The following BCAS3 variants were observed in gnomAD, a reference collection of about 807,000 sequenced individuals.
BCAS3 encodes BCAS4/BCAS3 fusion.
Under a neutral mutation model 116.1 loss-of-function variants are expected in BCAS3, and 53 were observed. The observed-to-expected ratio is 0.46, with a 90% CI of 0.37 to 0.57. The LOEUF is 0.57. Ranked by LOEUF, BCAS3 falls within the 20% of genes least tolerant of loss-of-function variation. The probability of loss-of-function intolerance (pLI) is 0.00; values close to 1 mark genes in which losing one functional copy is unlikely to be tolerated. For missense variants in BCAS3, 917 were observed against 1,165.4 expected (o/e 0.79, Z 3.10); for synonymous variants, 391 against 408.2 (o/e 0.96, Z 0.51).
At chr17:60,679,715 C>T (rs981065014) in intron 2 of BCAS3, among the ~76,000 whole-genome samples, 175 bp downstream of exon 2, 2 of 152,162 alleles carry the variant, frequency 1.3e-5, no homozygotes, top group African/African-American at 4.8e-5. Flanking sequence ...GTTAAGTTGA[C>T]GTATTCAGCA....
intron 23 of BCAS3, among the ~76,000 whole-genome samples, chr17:61,386,547 C>T (rs896135571): frequency 3.9e-5 from 6 of 152,208 alleles, no homozygotes; most frequent in Admixed American, 6.5e-5. Flanking sequence ...TTTGTGGTGA[C>T]GGAAGTGCCA....
intron 22 of BCAS3, among the ~76,000 whole-genome samples, chr17:61,110,622 C>T (rs2075008810): frequency 6.6e-6 from 1 of 152,202 alleles, no homozygotes; most frequent in South Asian, 2.1e-4. Context: ...ATTGCTAGCA[C>T]AGCAGTCTGA....
At position 61,095,901 on chromosome 17, in the gene BCAS3, C is replaced by G. The variant is rs563767704; in HGVS notation, c.2425+11337C>G. Among the ~76,000 whole-genome samples, 1 of 151,946 alleles carries G rather than the reference C, an allele frequency of 6.6e-6. No homozygotes were observed. The highest frequency in any genetic ancestry group is 2.1e-4 in the South Asian group (1 of 4,828). Reference sequence around the variant, plus strand: ...AAATTACTAGTTTGTTTGTTTATTTCTACAGAAATTCAGATGAGATTGGAT... The same window carrying G: ...AAATTACTAGTTTGTTTGTTTATTTGTACAGAAATTCAGATGAGATTGGAT... On this transcript the variant is annotated intron_variant, in intron 22 of 23. Transcript: ENST00000407086. This position sits in a 1 kb window ranked among gnomAD's most constrained non-coding sequence, Gnocchi z 4.7.
In BCAS3 at chr17:61,258,845, G is replaced by A. The variant is rs1322267119; in HGVS notation, c.2426-109482G>A. On this transcript the variant is annotated intron_variant, in intron 22 of 23. Coordinates refer to ENST00000407086, the MANE Select transcript of BCAS3 (RefSeq NM_017679.5). The surrounding 1 kb of genome is among the most constrained non-coding windows in gnomAD (Gnocchi z 4.7). ...ACTATGCCGTCTTATTCCAGCATAT[G>A]GATTTGTATTCGTAATTCCCCAAGA... Among the ~76,000 whole-genome samples, 1 of 152,180 alleles carries A rather than the reference G, an allele frequency of 6.6e-6. No homozygotes were observed. Among genetic ancestry groups the A allele is most frequent in the Non-Finnish European group, 1.5e-5 (1 of 68,026 alleles).
chr17:60,764,955 C>CTTCT (rs201783202), intron 6 of BCAS3, among the ~76,000 whole-genome samples: 41,410 of 151,184 alleles, frequency 0.27, 11,285 homozygotes, highest in African/African-American at 0.71. Context: ...AAGTAATGGC[C>CTTCT]TTGTCTCTTT....
intron 22 of BCAS3, among the ~76,000 whole-genome samples, chr17:61,177,687 A>G (rs1214993966): frequency 6.6e-6 from 1 of 152,224 alleles, no homozygotes; most frequent in Non-Finnish European, 1.5e-5. Flanking sequence ...TGCACTTTAG[A>G]TATGTCTAAC....
chr17:60,815,158 G>C (rs927068663), intron 7 of BCAS3, among the ~76,000 whole-genome samples: 2 of 152,112 alleles, frequency 1.3e-5, no homozygotes, highest in Non-Finnish European at 2.9e-5. Context: ...CATGGATGAA[G>C]CTGGAAACCA....
intron 22 of BCAS3, among the ~76,000 whole-genome samples, chr17:61,202,317 C>T (rs974972235): frequency 4.0e-5 from 6 of 151,228 alleles, no homozygotes; most frequent in African/African-American, 9.7e-5. Flanking sequence ...CCCCATTTTG[C>T]GGATGAGGAA....
chr17:61,346,017 T>C lies in BCAS3; in HGVS notation c.2426-22310T>C, dbSNP rs1387147521. Among the ~76,000 whole-genome samples the C allele has an allele frequency of 6.6e-6, 1 of 152,048 alleles. No homozygotes were observed. The highest frequency in any genetic ancestry group is 2.4e-5 in the African/African-American group (1 of 41,378). On this transcript the variant is annotated intron_variant, in intron 22 of 23. Coordinates refer to ENST00000407086, the MANE Select transcript of BCAS3 (RefSeq NM_017679.5). The surrounding 1 kb of genome is among the most constrained non-coding windows in gnomAD (Gnocchi z 5.4). ...CGTTGGTGTGCGGACTGGAGGTCAG[T>C]GAATTTAAGGCCAAAGGTGTTGGCT...
At chr17:60,965,286 A>G (rs1600063638) in intron 14 of BCAS3, among the ~76,000 whole-genome samples, 2 of 149,136 alleles carry the variant, frequency 1.3e-5, no homozygotes, top group African/African-American at 2.5e-5. Flanking sequence ...CAGTGGCGCA[A>G]TCTTGGCTCA....
intron 22 of BCAS3, among the ~76,000 whole-genome samples, chr17:61,129,058 A>G (rs1422343112): frequency 6.6e-6 from 1 of 152,154 alleles, no homozygotes. Context: ...ACACTTTTGA[A>G]AGTGCTGTTT....
chr17:61,009,655 C>T (rs1568110223), intron 15 of BCAS3, among the ~76,000 whole-genome samples: 4 of 151,966 alleles, frequency 2.6e-5, no homozygotes, highest in Non-Finnish European at 4.4e-5. Context: ...GTTTGTATCT[C>T]GGAAGAAAGA....
At chr17:61,119,442 C>T (rs1306291810) in intron 22 of BCAS3, among the ~76,000 whole-genome samples, 1 of 152,038 alleles carries the variant, frequency 6.6e-6, no homozygotes. Context: ...ATGATAGTGT[C>T]ATTAGATGCT....
intron 7 of BCAS3, among the ~76,000 whole-genome samples, chr17:60,823,594 G>T (rs1460034093): frequency 6.6e-6 from 1 of 152,082 alleles, no homozygotes; most frequent in African/African-American, 2.4e-5. Context: ...AATGGAGAGA[G>T]AAAGGGAGAA....
chr17:60,962,763 A>G lies in BCAS3; in HGVS notation c.1221+15411A>G, dbSNP rs961719163. On this transcript the variant is annotated intron_variant, in intron 14 of 23. Coordinates refer to ENST00000407086, the MANE Select transcript of BCAS3 (RefSeq NM_017679.5). This position sits in a 1 kb window ranked among gnomAD's most constrained non-coding sequence, Gnocchi z 4.4. ...TAGCTTCAGGTAATCCCATTTGTCT[A>G]TTTTGCTTTGGTTGTCTAGGTTTTG... is the stretch of plus-strand genomic sequence containing the variant. Among the ~76,000 whole-genome samples, 7 of 152,030 alleles carry G rather than the reference A, an allele frequency of 4.6e-5. No individual in the cohort carries two copies. The highest frequency in any genetic ancestry group is 1.7e-4 in the African/African-American group (7 of 41,478).
intron 22 of BCAS3, among the ~76,000 whole-genome samples, chr17:61,120,725 A>T (rs1346008384): frequency 2.6e-5 from 4 of 152,160 alleles, no homozygotes; most frequent in Non-Finnish European, 5.9e-5. Context: ...ACTTTTTTTT[A>T]AAAAACAAAG....
intron 5 of BCAS3, among the ~76,000 whole-genome samples, chr17:60,714,827 C>A (rs1482508399): frequency 6.6e-6 from 1 of 152,126 alleles, no homozygotes; most frequent in African/African-American, 2.4e-5. Flanking sequence ...TAGTTTACTG[C>A]CCAATCTCTA....
At chr17:60,954,492 A>G (rs1423718979) in intron 14 of BCAS3, among the ~76,000 whole-genome samples, 1 of 152,198 alleles carries the variant, frequency 6.6e-6, no homozygotes, top group African/African-American at 2.4e-5. Context: ...TTGTGCATCC[A>G]TCACCATCAT....
chr17:60,914,729 T>C (rs1307298473), intron 12 of BCAS3, among the ~76,000 whole-genome samples: 1 of 152,186 alleles, frequency 6.6e-6, no homozygotes, highest in Non-Finnish European at 1.5e-5. Context: ...ACAATGAAAC[T>C]GAAGACCTTT....
Sources: gnomAD v4.1 joint callset for allele counts (sites outside exome capture counted in the v4.1 genomes callset) on GRCh38, gnomAD v4.1.1 for gene constraint, Gnocchi (gnomAD v3.1) non-coding constraint, MANE v1.5 for transcripts, NCBI Gene and HGNC (gene_info 2026-07-23, HGNC 2026-07-21) for gene names.